Variants in ACSL1 observed in about 807,000 individuals in gnomAD.
The protein encoded by ACSL1 is acyl-CoA synthetase long chain family member 1.
Under a neutral mutation model 98.4 loss-of-function variants are expected in ACSL1, and 41 were observed. The ratio of observed to expected loss-of-function variants is 0.42; its 90% CI spans 0.32 to 0.54. The LOEUF is 0.54. Ranked by LOEUF, ACSL1 falls within the 20% of genes least tolerant of loss-of-function variation. ACSL1 has a pLI of 0.13. For missense variants in ACSL1, 734 were observed against 883.1 expected, an observed-to-expected ratio of 0.83 and a Z score of 2.14; for synonymous variants, 316 against 322.7, an observed-to-expected ratio of 0.98 and a Z score of 0.22.
chr4:184,764,202 G>A (rs932970888), intron 15 of ACSL1, among the ~76,000 whole-genome samples: 6 of 152,290 alleles, frequency 3.9e-5, no homozygotes, highest in East Asian at 1.9e-4. Context: ...GCATAATGCC[G>A]CGTAAATTCT....
At chr4:184,817,916 A>T (rs1772764948) in intron 1 of ACSL1, among the ~76,000 whole-genome samples, 1 of 152,140 alleles carries the variant, frequency 6.6e-6, no homozygotes, top group Non-Finnish European at 1.5e-5. Flanking sequence ...CCCTGACCCC[A>T]AGGACAAGGA....
intron 4 of ACSL1, among the ~76,000 whole-genome samples, chr4:184,780,985 T>A (rs1766150616): frequency 6.6e-6 from 1 of 151,096 alleles, no homozygotes; most frequent in African/African-American, 2.4e-5. Context: ...ACGCCTATAA[T>A]CCCAGCACTT....
At chr4:184,799,068 T>C (rs1298443358) in intron 2 of ACSL1, 2 of 152,004 alleles carry the variant, frequency 1.3e-5, no homozygotes, top group African/African-American at 4.8e-5. Context: ...CACTCAGGTT[T>C]TCACAGTCCT....
Position 184,773,538 on chromosome 4 carries a change from G to A in ACSL1, c.841+125C>T. The A allele has an allele frequency of 1.1e-6, 1 of 883,666 alleles. No homozygotes were observed. The highest frequency in any genetic ancestry group is 1.7e-5 in the South Asian group (1 of 57,472). The allele number at this position is 883,666 out of a possible 1,614,324, so 54.7% of individuals were successfully genotyped here. A position where few individuals can be genotyped will look rare whatever the true frequency, so the allele number is the denominator to read the frequency against. On this transcript the variant is annotated intron_variant, in intron 9 of 20. Transcript: ENST00000281455. This position sits in a 1 kb window ranked among gnomAD's most constrained non-coding sequence, Gnocchi z 4.3. ...ACAGAGCAACAAGAAGACAGCACTT[G>A]AACCGCTTCCTTCTCTTCTGCTTTT...
At chr4:184,786,293 T>A (rs1767291761) in intron 3 of ACSL1, among the ~76,000 whole-genome samples, 2 of 152,212 alleles carry the variant, frequency 1.3e-5, no homozygotes, top group Admixed American at 6.5e-5. Context: ...TAACTCCTGT[T>A]CGTATCAATT....
chr4:184,785,826 G>A (rs1767194929), intron 3 of ACSL1, among the ~76,000 whole-genome samples: 1 of 152,100 alleles, frequency 6.6e-6, no homozygotes, highest in East Asian at 1.9e-4. Flanking sequence ...CATGCTCCTC[G>A]ATGAATGTAT....
rs35565140 is a variant in ACSL1, at chr4:184,765,794, A to AACACACACAC, written c.1359+87_1359+96dup. ...TAGATACGCTTGTCAATTAAGAAAG[A>AACACACACAC]ACACACACACACACACACAGTACAG... On this transcript the variant is annotated intron_variant, in intron 14 of 20. Coordinates refer to ENST00000281455, the MANE Select transcript of ACSL1 (RefSeq NM_001995.5). The AACACACACAC allele has an allele frequency of 1.3e-5, 12 of 917,934 alleles. No homozygotes were observed. In the Admixed American group the frequency reaches 3.2e-4, roughly 24 times the overall value. 56.9% of individuals were successfully genotyped at this position (917,934 alleles called of 1,614,324 possible).
At chr4:184,780,877 G>A (rs1166686738) in intron 4 of ACSL1, among the ~76,000 whole-genome samples, 1 of 152,108 alleles carries the variant, frequency 6.6e-6, no homozygotes, top group Non-Finnish European at 1.5e-5. Flanking sequence ...TTATCCTTAA[G>A]TTCTACAGTT....
intron 1 of ACSL1, among the ~76,000 whole-genome samples, chr4:184,811,231 C>T (rs1477022904): frequency 1.3e-5 from 2 of 152,112 alleles, no homozygotes; most frequent in East Asian, 3.9e-4. Context: ...ACCTCAGCCT[C>T]CGGAGTAGCT....
At chr4:184,787,441 A>G (rs4862419) in intron 3 of ACSL1, among the ~76,000 whole-genome samples, 115,807 of 152,170 alleles carry the variant, frequency 0.76, 45,606 homozygotes, top group East Asian at 0.99. Context: ...TGCTTCACTC[A>G]GAGGTAGGGG....
intron 18 of ACSL1, chr4:184,758,523 C>T (rs1042640340): frequency 6.6e-6 from 1 of 152,158 alleles, no homozygotes; most frequent in African/African-American, 2.4e-5. Flanking sequence ...CATTACACTC[C>T]AGCTGGACAA....
At chr4:184,786,157 T>C (rs994444857) in intron 3 of ACSL1, among the ~76,000 whole-genome samples, 11 of 152,224 alleles carry the variant, frequency 7.2e-5, no homozygotes, top group Non-Finnish European at 1.5e-4. Context: ...GGTAAATATC[T>C]TATTTTTATC....
In ACSL1 at chr4:184,766,621, C is replaced by A. The variant is rs1242672076; in HGVS notation, c.1263+1G>T. The A allele has an allele frequency of 6.2e-7, 1 of 1,613,780 alleles. No individual in the cohort carries two copies. The highest frequency in any genetic ancestry group is 2.2e-5 in the East Asian group (1 of 44,898). The stretch of plus-strand genomic sequence containing the variant: ...AGCAGTGGCTGTGAGTCACGTGTTA[C>A]CTGTACTTTGTGGAAGATCAGCCGG... On this transcript the variant is annotated splice_donor_variant, in intron 13 of 20. Coordinates refer to ENST00000281455, the MANE Select transcript of ACSL1 (RefSeq NM_001995.5). LOFTEE classifies it high-confidence loss of function. The surrounding 1 kb of genome is among the most constrained non-coding windows in gnomAD (Gnocchi z 4.8).
At chr4:184,785,601 GGGGGC>G (rs200450536) in intron 3 of ACSL1, among the ~76,000 whole-genome samples, 85 of 4,772 alleles carry the variant, frequency 0.018, 2 homozygotes, top group East Asian at 0.15. Context: ...CCTCCTGGGC[GGGGGC>G]GGGGGGGGGG....
chr4:184,799,016 T>A (rs1260309183), intron 2 of ACSL1: 1 of 152,240 alleles, frequency 6.6e-6, no homozygotes, highest in African/African-American at 2.4e-5. Context: ...TCCATCTATG[T>A]CTGACCTGGT....
At chr4:184,796,834 G>C (rs1290824129) in intron 2 of ACSL1, among the ~76,000 whole-genome samples, 1 of 152,130 alleles carries the variant, frequency 6.6e-6, no homozygotes, top group African/African-American at 2.4e-5. Flanking sequence ...TATTTATTAG[G>C]TCATATTTAC....
intron 2 of ACSL1, among the ~76,000 whole-genome samples, chr4:184,789,074 C>T (rs1247194275): frequency 3.3e-5 from 5 of 152,276 alleles, no homozygotes; most frequent in South Asian, 2.1e-4. Context: ...CTGTGGTATC[C>T]GCACCCCTCT....
At chr4:184,781,177 A>G (rs1032744187) in intron 4 of ACSL1, among the ~76,000 whole-genome samples, 2 of 138,848 alleles carry the variant, frequency 1.4e-5, no homozygotes, top group Admixed American at 8.3e-5. Flanking sequence ...TCTGCAGTGC[A>G]CTGAGATCAC....
chr4:184,793,414 C>T (rs959795494), intron 2 of ACSL1, among the ~76,000 whole-genome samples: 2 of 152,154 alleles, frequency 1.3e-5, no homozygotes, highest in African/African-American at 4.8e-5. Context: ...AGAACTCTCA[C>T]CAATATTTGA....
Sources: allele counts gnomAD v4.1 joint callset (sites outside exome capture counted in the v4.1 genomes callset), GRCh38; gene constraint gnomAD v4.1.1; non-coding constraint Gnocchi (gnomAD v3.1); transcripts MANE v1.5; gene names NCBI Gene and HGNC (gene_info 2026-07-23, HGNC 2026-07-21).